Variants in TSC22D1 observed in about 807,000 individuals in gnomAD.
TSC22D1 encodes TSC22 domain family member 1.
TSC22D1 carries 9 observed loss-of-function variants against 74.2 expected under a neutral mutation model. The observed-to-expected ratio is 0.12, with a 90% confidence interval of 0.07 to 0.21. The LOEUF is 0.21. TSC22D1 is among the 10% of genes least tolerant of loss of function. The pLI is 1.00. For missense variants in TSC22D1, 1,427 were observed against 1,304.7 expected, an observed-to-expected ratio of 1.09 and a Z score of -1.44; for synonymous variants, 586 against 492.5, an observed-to-expected ratio of 1.19 and a Z score of -2.51.
chr13:44,520,206 T>A (rs1463078493), intron 1 of TSC22D1, among the ~76,000 whole-genome samples: 1 of 152,102 alleles, frequency 6.6e-6, no homozygotes, highest in African/African-American at 2.4e-5. Context: ...AACTCCCATA[T>A]ATAAAGTCCA....
chr13:44,485,671 C>CA (rs1015796660), intron 1 of TSC22D1, among the ~76,000 whole-genome samples: 6 of 151,816 alleles, frequency 4.0e-5, no homozygotes, highest in Admixed American at 6.6e-5. Context: ...AAGGAATTCA[C>CA]AAAAAATATT....
In TSC22D1 at chr13:44,543,424, A is replaced by C. The variant is rs1881602737; in HGVS notation, c.2912+29739T>G. Among the ~76,000 whole-genome samples, 3 of 152,226 alleles carry C rather than the reference A, an allele frequency of 2.0e-5. No homozygotes were observed. In the South Asian group the frequency reaches 6.2e-4, roughly 31 times the overall value. ...AACTTAATGGTTTATAAATTTACCG[A>C]TTATTCATTAACCTGGACATTCTAC... On this transcript the variant is annotated intron_variant, in intron 1 of 2. Coordinates refer to ENST00000458659, the MANE Select transcript of TSC22D1 (RefSeq NM_183422.4).
In TSC22D1 at chr13:44,573,844, T is replaced by G; in HGVS notation, c.2231A>C (p.Gln744Pro). The G allele has an allele frequency of 3.1e-6, 5 of 1,614,236 alleles. No individual in the cohort carries two copies. The highest frequency in any genetic ancestry group is 4.2e-6 in the Non-Finnish European group (5 of 1,180,030). The change falls in exon 1 of 3, where the codon CAG (glutamine) becomes CCG (proline). Residue 744 changes from glutamine (Q) to proline (P), a missense_variant. By Grantham distance (76) the Gln-to-Pro change is moderately conservative (BLOSUM62 -1). Coordinates refer to ENST00000458659, the MANE Select transcript of TSC22D1 (RefSeq NM_183422.4). ...TGAAGGTGGAACCTGGGTAGAGGGC[T>G]GCTGCACTGCAGTAGGTATGTTTGC... ...QQANIPTAVQ[Q>P]PSTQVPPSVI... is the part of the protein sequence containing the mutation.
At chr13:44,448,369 C>T (rs1383311689) in intron 1 of TSC22D1, among the ~76,000 whole-genome samples, 1 of 152,088 alleles carries the variant, frequency 6.6e-6, no homozygotes, top group African/African-American at 2.4e-5. Flanking sequence ...ACCAACTAAC[C>T]ATTTTTCTAT....
At chr13:44,544,269 G>T (rs1881668525) in intron 1 of TSC22D1, among the ~76,000 whole-genome samples, 2 of 150,962 alleles carry the variant, frequency 1.3e-5, no homozygotes, top group South Asian at 4.2e-4. Context: ...CTTTTTCAGA[G>T]ATTTAAAAGT....
At chr13:44,479,698 A>C (rs1172787625) in intron 1 of TSC22D1, among the ~76,000 whole-genome samples, 1 of 152,204 alleles carries the variant, frequency 6.6e-6, no homozygotes, top group Non-Finnish European at 1.5e-5. Context: ...CCACCAAATG[A>C]GACAACTCAT....
intron 1 of TSC22D1, among the ~76,000 whole-genome samples, chr13:44,458,070 T>G (rs532490439): frequency 1.3e-5 from 2 of 152,336 alleles, no homozygotes; most frequent in South Asian, 4.1e-4. Context: ...TTGAAACAGA[T>G]AGGTGAAATC....
At chr13:44,491,005 A>G (rs1263106787) in intron 1 of TSC22D1, among the ~76,000 whole-genome samples, 1 of 152,022 alleles carries the variant, frequency 6.6e-6, no homozygotes, top group African/African-American at 2.4e-5. Flanking sequence ...TTCTGTTCAA[A>G]GGATATCACA....
At chr13:44,555,280 A>C (rs1243375493) in intron 1 of TSC22D1, among the ~76,000 whole-genome samples, 1 of 151,884 alleles carries the variant, frequency 6.6e-6, no homozygotes, top group African/African-American at 2.4e-5. Context: ...TTTTTTCCAG[A>C]AAACGTAAGC....
chr13:44,475,317 T>C (rs576631129), intron 1 of TSC22D1, among the ~76,000 whole-genome samples: 6 of 152,076 alleles, frequency 3.9e-5, no homozygotes, highest in Non-Finnish European at 7.4e-5. Context: ...GTAGCATATA[T>C]TAAAACTGCA....
rs985681461 is a variant in TSC22D1, at chr13:44,507,561, A to G, written c.2912+65602T>C. On this transcript the variant is annotated intron_variant, in intron 1 of 2. Transcript: ENST00000458659. The stretch of plus-strand genomic sequence containing the variant: ...GAGATGGATTTAAAGTACACAAAAT[A>G]CTATAGAATTGCAACCCCTCAGACT... Among the ~76,000 whole-genome samples the G allele has an allele frequency of 6.6e-5, 10 of 152,286 alleles. No individual in the cohort carries two copies. In the South Asian group the frequency reaches 1.9e-3, roughly 28 times the overall value.
rs1390798531 is a variant in TSC22D1, at chr13:44,432,373, G to A, written c.*2253C>T. Reference sequence around the variant, plus strand: ...AAAACATAAAAAATGAAATGGCTAGGGATTTCTATTCACTATAGTTTTTTC... The same window carrying A: ...AAAACATAAAAAATGAAATGGCTAGAGATTTCTATTCACTATAGTTTTTTC... On this transcript the variant is annotated 3_prime_UTR_variant, in exon 3 of 3. Transcript: ENST00000458659. 1.3e-5 allele frequency: 2 copies of A among 152,012 alleles called. No individual in the cohort carries two copies. The highest frequency in any genetic ancestry group is 2.9e-5 in the Non-Finnish European group (2 of 68,002). The allele number at this position is 152,012 out of a possible 1,614,324, so 9.4% of individuals were successfully genotyped here.
intron 1 of TSC22D1, among the ~76,000 whole-genome samples, chr13:44,513,013 G>A (rs1254735834): frequency 6.6e-6 from 1 of 152,218 alleles, no homozygotes; most frequent in African/African-American, 2.4e-5. Flanking sequence ...CCTAAATCCT[G>A]AAATTGCTTC....
intron 1 of TSC22D1, among the ~76,000 whole-genome samples, chr13:44,465,281 T>C (rs565289363): frequency 6.6e-6 from 1 of 152,204 alleles, no homozygotes; most frequent in Non-Finnish European, 1.5e-5. Flanking sequence ...AAATGCAGGC[T>C]TAAACTTTGT....
intron 1 of TSC22D1, among the ~76,000 whole-genome samples, chr13:44,553,205 T>C (rs1375258208): frequency 2.6e-5 from 4 of 152,200 alleles, no homozygotes; most frequent in African/African-American, 9.6e-5. Context: ...TAACAGGTAT[T>C]ATATGATGAA....
At chr13:44,568,703 C>T (rs1367491849) in intron 1 of TSC22D1, among the ~76,000 whole-genome samples, 2 of 152,122 alleles carry the variant, frequency 1.3e-5, no homozygotes, top group African/African-American at 4.8e-5. Context: ...ACAATCAAGA[C>T]TTACCAGACA....
chr13:44,546,752 G>GTGTGTGTGTGTGTGTGTGTC (rs1298529206), intron 1 of TSC22D1, among the ~76,000 whole-genome samples: 1 of 150,436 alleles, frequency 6.6e-6, no homozygotes, highest in African/African-American at 2.5e-5. Flanking sequence ...TGAAATACGT[G>GTGTGTGTGTGTGTGTGTGTC]TGTGTGTGTG....
At chr13:44,518,243 A>C (rs1439053112) in intron 1 of TSC22D1, among the ~76,000 whole-genome samples, 1 of 152,136 alleles carries the variant, frequency 6.6e-6, no homozygotes, top group Non-Finnish European at 1.5e-5. Context: ...TAAACATCTC[A>C]GAAGTGCTAT....
intron 1 of TSC22D1, among the ~76,000 whole-genome samples, chr13:44,461,047 T>G (rs1001315221): frequency 5.3e-5 from 8 of 152,160 alleles, no homozygotes; most frequent in African/African-American, 1.9e-4. Context: ...GAAAAGGAAA[T>G]GCAAAACAAT....
Sources: allele counts gnomAD v4.1 joint callset (sites outside exome capture counted in the v4.1 genomes callset), GRCh38; gene constraint gnomAD v4.1.1; transcripts MANE v1.5; gene names NCBI Gene and HGNC (gene_info 2026-07-23, HGNC 2026-07-21).